The following WDFY4 variants were observed in gnomAD, a reference collection of about 807,000 sequenced individuals.
WDFY4 encodes the protein WD repeat- and FYVE domain-containing protein 4.
Under a neutral mutation model 351.9 loss-of-function variants are expected in WDFY4, and 169 were observed. The observed-to-expected ratio is 0.48, with a 90% CI of 0.42 to 0.55. WDFY4 has a LOEUF of 0.55. WDFY4 is among the 20% of genes least tolerant of loss of function. WDFY4 has a pLI of 0.00. For missense variants in WDFY4, 3,803 were observed against 3,935.6 expected (o/e 0.97, Z 0.90); for synonymous variants, 1,622 against 1,574.6 (o/e 1.03, Z -0.71).
intron 2 of WDFY4, among the ~76,000 whole-genome samples, chr10:48,715,971 G>T (rs2063896477): frequency 6.6e-6 from 1 of 151,986 alleles, no homozygotes; most frequent in Non-Finnish European, 1.5e-5. Flanking sequence ...TTTTAGATGT[G>T]GTGTCCTGAG....
At chr10:48,907,049 A>T (rs1403045397) in intron 47 of WDFY4, among the ~76,000 whole-genome samples, 1 of 152,208 alleles carries the variant, frequency 6.6e-6, no homozygotes, top group Non-Finnish European at 1.5e-5. Context: ...TTAATAAAAC[A>T]TACAAAAAGA....
In WDFY4 at chr10:48,729,567, C is replaced by T. The variant is rs751683843; in HGVS notation, c.1107C>T (p.Phe369=). The change falls in exon 8 of 62, where the codon TTC becomes TTT. Residue 369 remains phenylalanine (F), a synonymous_variant. Transcript: ENST00000325239. ...TCACTTACCCTCAGCTTGAAGGCTT[C>T]AAGTTCCATCATGAGGCATCTGGTG... The part of the protein sequence containing the change: ...DSITYPQLEG[F]KFHHEASGVT... 7.7e-6 allele frequency: 12 copies of T among 1,551,708 alleles called. No individual in the cohort carries two copies. In the South Asian group the frequency reaches 1.4e-4, roughly 18 times the overall value.
chr10:48,849,627 G>T (rs2068892375), intron 39 of WDFY4, among the ~76,000 whole-genome samples: 1 of 152,172 alleles, frequency 6.6e-6, no homozygotes, highest in Non-Finnish European at 1.5e-5. Context: ...AATTCCCATT[G>T]TGATTTAGAA....
intron 7 of WDFY4, 151 bp downstream of exon 7, chr10:48,727,810 C>G (rs950278182): frequency 1.8e-6 from 1 of 567,316 alleles, no homozygotes; most frequent in Non-Finnish European, 2.2e-6. Context: ...ATTGTGCAGA[C>G]AGGCATGGGG....
At chr10:48,947,001 C>T (rs374307105) in intron 51 of WDFY4, 32 bp downstream of exon 51, 74 of 1,349,374 alleles carry the variant, frequency 5.5e-5, no homozygotes, top group Non-Finnish European at 7.0e-5. Context: ...TACACACACA[C>T]ACACACACAC....
intron 2 of WDFY4, among the ~76,000 whole-genome samples, chr10:48,710,910 T>C (rs980234236): frequency 6.6e-6 from 1 of 152,232 alleles, no homozygotes; most frequent in African/African-American, 2.4e-5. Flanking sequence ...GTCTGCCTTA[T>C]AGTTGAAGTC....
In WDFY4 at chr10:48,720,019, A is replaced by G. The variant is rs1230834825; in HGVS notation, c.243A>G (p.Glu81=). The change falls in exon 3 of 62, where the codon GAA becomes GAG. Residue 81 remains glutamate, a synonymous_variant. Coordinates refer to ENST00000325239, the MANE Select transcript of WDFY4 (RefSeq NM_001394531.1). ...SLLPLFLKAW[E]HSVGIICFPS... ...CCCATCTGTTGCTTCAGGCCTGGGA[A>G]CACTCCGTGGGGATCATCTGCTTTC... 1 of 1,551,612 alleles carries G rather than the reference A, an allele frequency of 6.4e-7. No individual in the cohort carries two copies. Among genetic ancestry groups the G allele is most frequent in the East Asian group, 2.4e-5 (1 of 40,910 alleles).
intron 1 of WDFY4, among the ~76,000 whole-genome samples, chr10:48,693,200 G>T (rs142113689): frequency 6.6e-6 from 1 of 152,340 alleles, no homozygotes; most frequent in East Asian, 1.9e-4. Flanking sequence ...CATGGGAGCT[G>T]CGGAGGACGT....
At chr10:48,885,565 C>T (rs1034040151) in intron 43 of WDFY4, among the ~76,000 whole-genome samples, 3 of 152,212 alleles carry the variant, frequency 2.0e-5, no homozygotes, top group African/African-American at 7.2e-5. Context: ...GGAAGTGACA[C>T]ATGCAGGCAG....
chr10:48,818,265 A>G (rs2067691155), intron 32 of WDFY4, among the ~76,000 whole-genome samples: 4 of 152,224 alleles, frequency 2.6e-5, no homozygotes, highest in Admixed American at 2.0e-4. Context: ...GCAATGCTAC[A>G]TAGGGGGGTT....
chr10:48,798,656 A>G (rs760440979), intron 24 of WDFY4, among the ~76,000 whole-genome samples: 1 of 152,228 alleles, frequency 6.6e-6, no homozygotes, highest in Non-Finnish European at 1.5e-5. Context: ...GTTGACATAA[A>G]CAACAACCAG....
intron 20 of WDFY4, among the ~76,000 whole-genome samples, chr10:48,787,840 TTCTTCTTC>T (rs2066465789): frequency 7.1e-6 from 1 of 140,612 alleles, no homozygotes; most frequent in Admixed American, 6.8e-5. Context: ...CTTCTTCTTC[TTCTTCTTC>T]TTCTTCTTCT....
intron 39 of WDFY4, among the ~76,000 whole-genome samples, chr10:48,855,785 C>G (rs1322314855): frequency 6.6e-6 from 1 of 151,932 alleles, no homozygotes; most frequent in African/African-American, 2.4e-5. Flanking sequence ...TAACCATGGT[C>G]CAAAAATATT....
intron 31 of WDFY4, among the ~76,000 whole-genome samples, chr10:48,814,922 A>G (rs1301971027): frequency 1.3e-5 from 2 of 152,082 alleles, no homozygotes; most frequent in African/African-American, 4.8e-5. Context: ...TTTCCTCAAT[A>G]TTTGTGGACC....
At chr10:48,823,611 C>T in intron 35 of WDFY4, 1 of 1,034,302 alleles carries the variant, frequency 9.7e-7, no homozygotes, top group Non-Finnish European at 1.2e-6. Context: ...GAGAAATAGC[C>T]CTTGTCAGCT....
At chr10:48,868,994 T>C (rs534822680) in intron 40 of WDFY4, among the ~76,000 whole-genome samples, 2 of 152,310 alleles carry the variant, frequency 1.3e-5, no homozygotes, top group Admixed American at 1.3e-4. Context: ...CTTGAGAAAG[T>C]TGTGCAATTT....
chr10:48,812,922 C>T (rs2132934395), intron 30 of WDFY4, among the ~76,000 whole-genome samples: 1 of 152,316 alleles, frequency 6.6e-6, no homozygotes, highest in South Asian at 2.1e-4. Context: ...CCATCGTCTG[C>T]CTGGTGGGAG....
At chr10:48,724,461 T>C (rs2064198294) in intron 5 of WDFY4, among the ~76,000 whole-genome samples, 1 of 151,986 alleles carries the variant, frequency 6.6e-6, no homozygotes, top group Non-Finnish European at 1.5e-5. Context: ...GAAATGTAGG[T>C]GTCATCTGCT....
At chr10:48,901,287 A>C (rs180857920) in intron 46 of WDFY4, among the ~76,000 whole-genome samples, 17 of 152,390 alleles carry the variant, frequency 1.1e-4, no homozygotes, top group African/African-American at 3.4e-4. Flanking sequence ...ACAAGCAGAC[A>C]TACAACCCAT....
Sources: allele counts gnomAD v4.1 joint callset (sites outside exome capture counted in the v4.1 genomes callset), GRCh38; gene constraint gnomAD v4.1.1; transcripts MANE v1.5; gene names NCBI Gene and HGNC (gene_info 2026-07-23, HGNC 2026-07-21).